The following SPARCL1 variants were observed in gnomAD, a reference collection of about 807,000 sequenced individuals.
SPARCL1 encodes SPARC-like protein 1.
Under a neutral mutation model 67.1 loss-of-function variants are expected in SPARCL1, and 52 were observed. The ratio of observed to expected loss-of-function variants is 0.78; its 90% CI spans 0.62 to 0.98. The LOEUF (loss-of-function observed/expected upper bound fraction) is 0.98, where lower values mean the gene tolerates loss of function less well. SPARCL1 is among the 50% of genes least tolerant of loss of function. The pLI is 0.00. For missense variants in SPARCL1, 717 were observed against 782.4 expected, an observed-to-expected ratio of 0.92 and a Z score of 1.00; for synonymous variants, 226 against 267.8, an observed-to-expected ratio of 0.84 and a Z score of 1.52.
At chr4:87,524,031 T>C (rs1725933414) in intron 1 of SPARCL1, among the ~76,000 whole-genome samples, 1 of 152,230 alleles carries the variant, frequency 6.6e-6, no homozygotes, top group South Asian at 2.1e-4. Context: ...TTGCATGGGA[T>C]AGAACACTGA....
chr4:87,508,693 G>A (rs1004431618), intron 1 of SPARCL1, among the ~76,000 whole-genome samples: 7 of 151,424 alleles, frequency 4.6e-5, no homozygotes, highest in Non-Finnish European at 8.8e-5. Context: ...TTATTCTGAG[G>A]TCCGCTTATG....
At chr4:87,519,134 G>C (rs1301268096) in intron 1 of SPARCL1, among the ~76,000 whole-genome samples, 1 of 150,746 alleles carries the variant, frequency 6.6e-6, no homozygotes, top group Non-Finnish European at 1.5e-5. Flanking sequence ...TACAGTGGCT[G>C]ATCTCTACTC....
At chr4:87,487,653 G>T (rs1724130951) in intron 7 of SPARCL1, among the ~76,000 whole-genome samples, 1 of 152,206 alleles carries the variant, frequency 6.6e-6, no homozygotes, top group Non-Finnish European at 1.5e-5. Flanking sequence ...TTGCTAGGTT[G>T]AGGAAGTTCT....
chr4:87,511,946 T>TC (rs1725376074), intron 1 of SPARCL1, among the ~76,000 whole-genome samples: 2 of 149,536 alleles, frequency 1.3e-5, no homozygotes, highest in African/African-American at 2.5e-5. Context: ...ATTCCTTTCC[T>TC]TTCCTTTCCT....
At chr4:87,501,821 T>C (rs945207467) in intron 1 of SPARCL1, among the ~76,000 whole-genome samples, 109 of 152,278 alleles carry the variant, frequency 7.2e-4, no homozygotes, top group African/African-American at 2.4e-3. Flanking sequence ...TTCTATTTTT[T>C]GTCTTTTCTT....
chr4:87,499,336 A>AT (rs549582491), intron 2 of SPARCL1, among the ~76,000 whole-genome samples, 185 bp downstream of exon 2: 1 of 151,714 alleles, frequency 6.6e-6, no homozygotes, highest in Non-Finnish European at 1.5e-5. Flanking sequence ...TAGTTCTAAA[A>AT]TTTTTTTTTA....
At chr4:87,484,037 G>A (rs1484471740) in intron 7 of SPARCL1, among the ~76,000 whole-genome samples, 2 of 152,146 alleles carry the variant, frequency 1.3e-5, no homozygotes, top group African/African-American at 4.8e-5. Flanking sequence ...TAGGTTGCCT[G>A]TTTACTCTGA....
intron 1 of SPARCL1, among the ~76,000 whole-genome samples, chr4:87,523,401 G>A (rs998828856): frequency 7.9e-5 from 12 of 152,318 alleles, no homozygotes; most frequent in African/African-American, 2.9e-4. Context: ...TTGCAAGTTG[G>A]AATCACATAG....
chr4:87,521,803 C>T (rs1005207716), intron 1 of SPARCL1, among the ~76,000 whole-genome samples: 1 of 152,188 alleles, frequency 6.6e-6, no homozygotes, highest in African/African-American at 2.4e-5. Flanking sequence ...GGAGTATGTA[C>T]ATCCATGCAT....
chr4:87,499,753 T>A (rs183977000), intron 1 of SPARCL1, among the ~76,000 whole-genome samples, 168 bp from the exon 2 acceptor site: 19 of 152,370 alleles, frequency 1.2e-4, no homozygotes, highest in Admixed American at 1.2e-3. Context: ...CAGTTCTTAC[T>A]CGATTGTGTA....
intron 10 of SPARCL1, among the ~76,000 whole-genome samples, chr4:87,474,486 C>G (rs904450592): frequency 6.6e-6 from 1 of 151,970 alleles, no homozygotes; most frequent in African/African-American, 2.4e-5. Flanking sequence ...GCACCCATAG[C>G]CTTTGTCTTC....
rs1303580336 is a variant in SPARCL1, at chr4:87,490,159, T to C, written c.1531+114A>G. The stretch of plus-strand genomic sequence containing the variant: ...TTAAGTTTCTCCAGTTGATAATTTT[T>C]GTGTTCAGAACTACATCAGCTTTTC... On this transcript the variant is annotated intron_variant, in intron 7 of 10. Transcript: ENST00000282470. 4.4e-6 allele frequency: 5 copies of C among 1,139,134 alleles called. No individual in the cohort carries two copies. In the East Asian group the frequency reaches 1.4e-4, roughly 32 times the overall value. 70.6% of individuals were successfully genotyped at this position (1,139,134 alleles called of 1,614,324 possible).
rs576935177 is a variant in SPARCL1, at chr4:87,526,067, G to T, written c.-12+2978C>A. ...AGATAAGAAAGAAGAAATGTTGGGG[G>T]CTTTCCCTCTTGTCCAAGTGGGCCA... On this transcript the variant is annotated intron_variant, in intron 1 of 10. Coordinates refer to ENST00000282470, the MANE Select transcript of SPARCL1 (RefSeq NM_004684.6). 3.3e-5 allele frequency among the ~76,000 whole-genome samples: 5 copies of T among 152,320 alleles called. 1 individual carries two copies. In the East Asian group the frequency reaches 5.8e-4, roughly 18 times the overall value.
At chr4:87,514,288 G>T (rs905531382) in intron 1 of SPARCL1, among the ~76,000 whole-genome samples, 1 of 152,196 alleles carries the variant, frequency 6.6e-6, no homozygotes, top group East Asian at 1.9e-4. Context: ...ATCGAATGCT[G>T]AGAATCCTGG....
At chr4:87,478,220 C>A (rs1225732547) in intron 10 of SPARCL1, among the ~76,000 whole-genome samples, 1 of 151,954 alleles carries the variant, frequency 6.6e-6, no homozygotes, top group African/African-American at 2.4e-5. Flanking sequence ...AATTTATGTT[C>A]TGTGAGTGGT....
At chr4:87,478,464 G>A (rs1297889421) in intron 10 of SPARCL1, among the ~76,000 whole-genome samples, 1 of 147,712 alleles carries the variant, frequency 6.8e-6, no homozygotes, top group African/African-American at 2.5e-5. Flanking sequence ...TTGAGACCGA[G>A]TCTCACTCTA....
chr4:87,505,054 A>G (rs1032885693), intron 1 of SPARCL1: 1 of 152,200 alleles, frequency 6.6e-6, no homozygotes, highest in Non-Finnish European at 1.5e-5. Flanking sequence ...AAACAAGAAA[A>G]GCATTAAACT....
chr4:87,482,527 T>G lies in SPARCL1; in HGVS notation c.1565A>C (p.Gln522Pro). 6.2e-7 allele frequency: 1 copy of G among 1,614,050 alleles called. No homozygotes were observed. Among genetic ancestry groups the G allele is most frequent in the Non-Finnish European group, 8.5e-7 (1 of 1,179,926 alleles). ...CCAGTCTCTCATCCGTAGAGGAAAC[T>G]GAATCACTTCAAAGTCCGTACAAGT... The part of the protein sequence containing the change: ...IPTCTDFEVI[Q>P]FPLRMRDWLK... Residue 522 changes from glutamine to proline, a missense_variant, in exon 8 of 11, where the codon CAG becomes CCG. By Grantham distance (76) the Gln-to-Pro change is moderately conservative. Coordinates refer to ENST00000282470, the MANE Select transcript of SPARCL1 (RefSeq NM_004684.6).
chr4:87,524,604 C>T (rs918675343), intron 1 of SPARCL1, among the ~76,000 whole-genome samples: 1 of 152,174 alleles, frequency 6.6e-6, no homozygotes, highest in African/African-American at 2.4e-5. Context: ...TTTTCTTACA[C>T]ATTGTTACAT....
Sources: allele counts gnomAD v4.1 joint callset (sites outside exome capture counted in the v4.1 genomes callset), GRCh38; gene constraint gnomAD v4.1.1; transcripts MANE v1.5; gene names NCBI Gene and HGNC (gene_info 2026-07-23, HGNC 2026-07-21).